Variants in C12orf54 observed in about 807,000 individuals in gnomAD.
C12orf54 encodes the protein chromosome 12 open reading frame 54.
Under a neutral mutation model 26.4 loss-of-function variants are expected in C12orf54, and 24 were observed. The observed-to-expected ratio is 0.91, with a 90% CI of 0.66 to 1.28. The LOEUF is 1.28. Among genes scored for constraint, C12orf54 ranks in the 50% most tolerant of loss-of-function variants. The pLI is 0.00. For synonymous variants in C12orf54, 54 were observed against 47.0 expected (o/e 1.15, Z -0.61); for missense variants, 154 against 150.9 (o/e 1.02, Z -0.11).
chr12:48,452,590 T>C, the C12orf54 span, among the ~76,000 whole-genome samples: 4 of 152,138 alleles, frequency 2.6e-5, no homozygotes, highest in African/African-American at 7.2e-5. Context: ...AAGAAAATTT[T>C]TGCAATCTAT....
chr12:48,465,404 C>G, the C12orf54 span, among the ~76,000 whole-genome samples: 145 of 152,164 alleles, frequency 9.5e-4, 1 homozygote, highest in Middle Eastern at 6.8e-3. Context: ...ATTAAAAAGT[C>G]AAAACATAAC....
chr12:48,478,695 C>T (rs542963575), upstream of C12orf54, among the ~76,000 whole-genome samples: 142 of 152,132 alleles, frequency 9.3e-4, 1 homozygote, highest in African/African-American at 3.2e-3. Flanking sequence ...TTACAAGGGA[C>T]GTGAAGGACA....
chr12:48,469,037 C>G, the C12orf54 span, among the ~76,000 whole-genome samples: 19 of 152,070 alleles, frequency 1.2e-4, no homozygotes, highest in Non-Finnish European at 1.8e-4. Flanking sequence ...TAAAATATCA[C>G]AAGGCAAATG....
the C12orf54 span, among the ~76,000 whole-genome samples, chr12:48,435,198 A>T: frequency 6.6e-6 from 1 of 152,210 alleles, no homozygotes; most frequent in Non-Finnish European, 1.5e-5. Context: ...AAGTGTGAAG[A>T]GAAGTTTAGA....
the C12orf54 span, among the ~76,000 whole-genome samples, chr12:48,465,410 A>G: frequency 6.6e-6 from 1 of 152,194 alleles, no homozygotes; most frequent in Non-Finnish European, 1.5e-5. Context: ...AAGTCAAAAC[A>G]TAACTGATGC....
At chr12:48,490,160 G>A (rs975963394) in intron 5 of C12orf54, among the ~76,000 whole-genome samples, 4 of 152,230 alleles carry the variant, frequency 2.6e-5, no homozygotes, top group Non-Finnish European at 5.9e-5. Flanking sequence ...TAAAAGATGT[G>A]AGGCCTTGGT....
chr12:48,459,353 G>T, the C12orf54 span, among the ~76,000 whole-genome samples: 1 of 152,138 alleles, frequency 6.6e-6, no homozygotes, highest in Non-Finnish European at 1.5e-5. Context: ...TCTAGTTTGG[G>T]CCAACGGAAA....
the C12orf54 span, among the ~76,000 whole-genome samples, chr12:48,416,351 A>C: frequency 1.3e-5 from 2 of 152,196 alleles, no homozygotes; most frequent in Admixed American, 1.3e-4. Context: ...TCAGTCATAC[A>C]GCCTTCTTTC....
chr12:48,434,380 T>A, the C12orf54 span, among the ~76,000 whole-genome samples: 2 of 152,158 alleles, frequency 1.3e-5, no homozygotes, highest in African/African-American at 4.8e-5. Flanking sequence ...TCTGCAGACT[T>A]AAATGTCCCT....
the C12orf54 span, among the ~76,000 whole-genome samples, chr12:48,437,581 G>A: frequency 6.6e-6 from 1 of 152,226 alleles, no homozygotes; most frequent in African/African-American, 2.4e-5. Context: ...TGCCTCGGAT[G>A]CAAGGCTGGT....
the C12orf54 span, among the ~76,000 whole-genome samples, chr12:48,445,534 C>T: frequency 1.3e-5 from 2 of 152,110 alleles, no homozygotes; most frequent in East Asian, 1.9e-4. Context: ...CAGAGTCTAT[C>T]GCTGAAGTCC....
At chr12:48,476,326 A>G in the C12orf54 span, among the ~76,000 whole-genome samples, 8 of 152,240 alleles carry the variant, frequency 5.3e-5, no homozygotes, top group African/African-American at 1.9e-4. Context: ...GCTAGGAAGA[A>G]ACTGCATCAA....
the C12orf54 span, among the ~76,000 whole-genome samples, chr12:48,459,701 G>A: frequency 3.9e-5 from 6 of 152,118 alleles, no homozygotes; most frequent in Non-Finnish European, 8.8e-5. Context: ...TTTATTACAA[G>A]GAAAGGGTAC....
At chr12:48,491,378 G>A (rs1265913028) in intron 6 of C12orf54, among the ~76,000 whole-genome samples, 2 of 152,124 alleles carry the variant, frequency 1.3e-5, no homozygotes, top group South Asian at 2.1e-4. Context: ...CCTCATAAGC[G>A]AATTACCTCC....
chr12:48,438,849 G>C, the C12orf54 span, among the ~76,000 whole-genome samples: 2 of 152,074 alleles, frequency 1.3e-5, no homozygotes, highest in Non-Finnish European at 2.9e-5. Context: ...GCATGGGCAA[G>C]GACTTCATGT....
chr12:48,468,904 A>G, the C12orf54 span, among the ~76,000 whole-genome samples: 2 of 152,214 alleles, frequency 1.3e-5, no homozygotes, highest in African/African-American at 4.8e-5. Context: ...GGGTGACATC[A>G]CATGTCGGCA....
chr12:48,439,505 C>G, the C12orf54 span, among the ~76,000 whole-genome samples: 53 of 152,266 alleles, frequency 3.5e-4, no homozygotes, highest in African/African-American at 1.2e-3. Flanking sequence ...ACCCAAATGT[C>G]CAACAATGAT....
intron 2 of C12orf54, among the ~76,000 whole-genome samples, chr12:48,485,092 T>TATTG (rs1449745776): frequency 6.6e-6 from 1 of 152,068 alleles, no homozygotes; most frequent in African/African-American, 2.4e-5. Flanking sequence ...TTTATTTATT[T>TATTG]TTAGCGACAG....
At chr12:48,429,264 A>T in the C12orf54 span, among the ~76,000 whole-genome samples, 17 of 152,144 alleles carry the variant, frequency 1.1e-4, no homozygotes, top group Non-Finnish European at 2.4e-4. Flanking sequence ...GAACAAGACA[A>T]GGATGCCCAC....
Sources: gnomAD v4.1 joint callset for allele counts (sites outside exome capture counted in the v4.1 genomes callset) on GRCh38, gnomAD v4.1.1 for gene constraint, MANE v1.5 for transcripts, NCBI Gene and HGNC (gene_info 2026-07-23, HGNC 2026-07-21) for gene names.